The following ANO4 variants were observed in gnomAD, a reference collection of about 807,000 sequenced individuals.
ANO4 encodes the protein anoctamin 4, also known as anoctamin-4.
A neutral mutation model predicts 141.9 loss-of-function variants in ANO4; 69 were observed. The observed-to-expected ratio is 0.49, with a 90% CI of 0.40 to 0.59. The LOEUF is 0.59. Among genes scored for constraint, ANO4 ranks in the 20% least tolerant of loss-of-function variants. The pLI, the probability that ANO4 is intolerant of heterozygous loss-of-function variation, is 0.00. For synonymous variants in ANO4, 350 were observed against 394.3 expected, an observed-to-expected ratio of 0.89 and a Z score of 1.33; for missense variants, 894 against 1,162.2, an observed-to-expected ratio of 0.77 and a Z score of 3.36.
Position 101,111,447 on chromosome 12 carries a change from T to C in ANO4, c.2303-116T>C, listed in dbSNP as rs911277413. 5 of 984,832 alleles carry C rather than the reference T, an allele frequency of 5.1e-6. No homozygotes were observed. In the African/African-American group the frequency reaches 8.5e-5, roughly 17 times the overall value. 61.0% of individuals were successfully genotyped at this position (984,832 alleles called of 1,614,324 possible). A position where few individuals can be genotyped will look rare whatever the true frequency, so the allele number is the denominator to read the frequency against. Reference sequence around the variant, plus strand: ...TTCCTCCTGGTTGCAACTGTCAGTATTTGGAAAGATGAAGAAAGGACCCAT... The same window carrying C: ...TTCCTCCTGGTTGCAACTGTCAGTACTTGGAAAGATGAAGAAAGGACCCAT... On this transcript the variant is annotated intron_variant, in intron 23 of 27. Transcript: ENST00000392977.
At position 100,985,211 on chromosome 12, in the gene ANO4, A is replaced by G. The variant is rs1253144363; in HGVS notation, c.603-2328A>G. 2.0e-5 allele frequency among the ~76,000 whole-genome samples: 3 copies of G among 152,368 alleles called. No individual in the cohort carries two copies. In the East Asian group the frequency reaches 5.8e-4, roughly 29 times the overall value. On this transcript the variant is annotated intron_variant, in intron 7 of 27. Coordinates refer to ENST00000392977, the MANE Select transcript of ANO4 (RefSeq NM_001286615.2). Reference sequence around the variant, plus strand: ...GAGGAAGTCTAATTTATGTGTCCATATAAGGACTAAATCATTGAGCATAGA... The same window carrying G: ...GAGGAAGTCTAATTTATGTGTCCATGTAAGGACTAAATCATTGAGCATAGA...
chr12:100,868,833 G>A (rs1250170875), intron 1 of ANO4, among the ~76,000 whole-genome samples: 2 of 152,234 alleles, frequency 1.3e-5, no homozygotes, highest in Non-Finnish European at 2.9e-5. Flanking sequence ...TAGGCTTTGT[G>A]AGCCAAGAGG....
At chr12:100,864,405 A>G (rs994791643) in intron 1 of ANO4, among the ~76,000 whole-genome samples, 3 of 152,212 alleles carry the variant, frequency 2.0e-5, no homozygotes, top group African/African-American at 7.2e-5. Flanking sequence ...TTCAAGCTAC[A>G]TCCATGTACT....
At chr12:100,974,624 G>A (rs781580060) in intron 6 of ANO4, among the ~76,000 whole-genome samples, 5 of 152,092 alleles carry the variant, frequency 3.3e-5, no homozygotes, top group Admixed American at 1.3e-4. Flanking sequence ...GTAATGGGTA[G>A]AGGAAGAAAT....
chr12:101,079,304 A>G, intron 15 of ANO4, 29 bp downstream of exon 15: 1 of 1,589,938 alleles, frequency 6.3e-7, no homozygotes, highest in East Asian at 2.3e-5. Context: ...AGAATGTTGT[A>G]AAAAGCAAAT....
intron 1 of ANO4, among the ~76,000 whole-genome samples, chr12:100,862,194 A>G (rs1036315108): frequency 3.3e-5 from 5 of 152,254 alleles, no homozygotes; most frequent in African/African-American, 1.2e-4. Context: ...CTGGAGTAGC[A>G]GCTGGAACTA....
intron 5 of ANO4, among the ~76,000 whole-genome samples, chr12:100,958,152 T>A (rs923805017): frequency 6.6e-6 from 1 of 152,222 alleles, no homozygotes; most frequent in African/African-American, 2.4e-5. Flanking sequence ...CGACCATGGT[T>A]AAACTGCATC....
chr12:100,750,499 G>A (rs772605432), intron 3 of ANO4, among the ~76,000 whole-genome samples: 5 of 152,178 alleles, frequency 3.3e-5, no homozygotes, highest in South Asian at 4.2e-4. Context: ...CAGTCATGGA[G>A]CTTGGGATTC....
At position 101,086,673 on chromosome 12, in the gene ANO4, T is replaced by A. The variant is rs762133151; in HGVS notation, c.1550T>A (p.Ile517Asn). 1.2e-6 allele frequency: 2 copies of A among 1,613,688 alleles called. No individual in the cohort carries two copies. The highest frequency in any genetic ancestry group is 2.2e-5 in the South Asian group (2 of 91,052). Residue 517 changes from isoleucine (I) to asparagine (N), a missense_variant, in exon 17 of 28, where the codon ATT (isoleucine) becomes AAT (asparagine). By Grantham distance (149) the Ile-to-Asn change is moderately radical. Coordinates refer to ENST00000392977, the MANE Select transcript of ANO4 (RefSeq NM_001286615.2). The part of the protein sequence containing the change: ...SGIFFMICVV[I>N]AAVFGIVIYR... ...TCTTCCTGCCAGATCTGCGTGGTGA[T>A]TGCTGCCGTGTTCGGGATCGTCATT... is the stretch of plus-strand genomic sequence containing the variant.
intron 1 of ANO4, among the ~76,000 whole-genome samples, chr12:100,798,704 GC>G (rs1324772418): frequency 3.3e-5 from 5 of 152,292 alleles, no homozygotes; most frequent in African/African-American, 1.2e-4. Flanking sequence ...CCAAATCACA[GC>G]CCCAAAATAA....
rs190139177 is a variant in ANO4, at chr12:101,011,863, G to A, written c.735-8171G>A. 2.1e-3 allele frequency among the ~76,000 whole-genome samples: 312 copies of A among 152,192 alleles called. 1 individual carries two copies. Among genetic ancestry groups the A allele is most frequent in the Non-Finnish European group, 1.9e-3 (131 of 68,006 alleles). On this transcript the variant is annotated intron_variant, in intron 8 of 27. Coordinates refer to ENST00000392977, the MANE Select transcript of ANO4 (RefSeq NM_001286615.2). ...AATAATTGTACAAAACCATCTGTAG[G>A]TAGTTAAGTGCTTCTTGACAAAGTT...
At chr12:100,992,477 G>T (rs966441621) in intron 8 of ANO4, among the ~76,000 whole-genome samples, 9 of 152,050 alleles carry the variant, frequency 5.9e-5, no homozygotes, top group African/African-American at 2.2e-4. Context: ...GTAGTATGCT[G>T]TTATTCATCC....
chr12:100,982,028 T>C (rs1468064017), intron 7 of ANO4, among the ~76,000 whole-genome samples: 1 of 152,166 alleles, frequency 6.6e-6, no homozygotes, highest in East Asian at 1.9e-4. Context: ...TCTTCCCAGG[T>C]ACCCGGAATC....
At chr12:100,927,945 G>A (rs7953199) in intron 3 of ANO4, among the ~76,000 whole-genome samples, 12,346 of 152,136 alleles carry the variant, frequency 0.081, 665 homozygotes, top group African/African-American at 0.13. Context: ...TGGGATCATT[G>A]TTATCCTGCA....
chr12:100,830,371 C>A (rs2036572365), intron 1 of ANO4, among the ~76,000 whole-genome samples: 1 of 152,108 alleles, frequency 6.6e-6, no homozygotes, highest in African/African-American at 2.4e-5. Flanking sequence ...GATGATTCTA[C>A]ATTTGCCTGA....
chr12:100,758,654 A>T (rs2032721700), intron 3 of ANO4, among the ~76,000 whole-genome samples: 1 of 152,204 alleles, frequency 6.6e-6, no homozygotes, highest in Admixed American at 6.5e-5. Context: ...TAAAGGAGTT[A>T]TATTAATTTC....
At chr12:100,968,301 TA>T (rs1269247445) in intron 5 of ANO4, among the ~76,000 whole-genome samples, 2 of 152,186 alleles carry the variant, frequency 1.3e-5, no homozygotes, top group Admixed American at 1.3e-4. Context: ...TATTTTAATA[TA>T]TTTTTAATGT....
rs535036690 is a variant in ANO4, at chr12:101,055,869, T to G, written c.1312+7468T>G. On this transcript the variant is annotated intron_variant, in intron 14 of 27. Coordinates refer to ENST00000392977, the MANE Select transcript of ANO4 (RefSeq NM_001286615.2). ...GGCATAACGTAAGGGGCAGATTTAT[T>G]TCTTTCCATGTAGATATCCAGTTTT... is the stretch of plus-strand genomic sequence containing the variant. Among the ~76,000 whole-genome samples the G allele has an allele frequency of 1.2e-4, 18 of 152,298 alleles. No individual in the cohort carries two copies. The East Asian group carries it at 3.5e-3, about 29-fold the overall frequency.
intron 3 of ANO4, among the ~76,000 whole-genome samples, chr12:100,757,328 G>A (rs943676264): frequency 2.6e-5 from 4 of 152,034 alleles, no homozygotes; most frequent in African/African-American, 7.2e-5. Context: ...TATGGCTGTC[G>A]ACTTAATCTC....
Sources: allele counts gnomAD v4.1 joint callset (sites outside exome capture counted in the v4.1 genomes callset), GRCh38; gene constraint gnomAD v4.1.1; transcripts MANE v1.5; gene names NCBI Gene and HGNC (gene_info 2026-07-23, HGNC 2026-07-21).